The following KDSR variants were observed in gnomAD, a reference collection of about 807,000 sequenced individuals.
KDSR encodes the protein 3-ketodihydrosphingosine reductase.
In KDSR, 23 loss-of-function variants were observed where a neutral mutation model predicts 41.3. The observed-to-expected ratio is 0.56, with a 90% CI of 0.40 to 0.79. The LOEUF (loss-of-function observed/expected upper bound fraction) is 0.79. Among genes scored for constraint, KDSR ranks in the 30% least tolerant of loss-of-function variants. The pLI, the probability that KDSR is intolerant of heterozygous loss-of-function variation, is 0.00. For synonymous variants in KDSR, 138 were observed against 151.7 expected (o/e 0.91, Z 0.66); for missense variants, 351 against 416.8 (o/e 0.84, Z 1.37).
intron 3 of KDSR, 95 bp from the exon 4 acceptor site, chr18:63,355,658 A>G: frequency 7.1e-7 from 1 of 1,406,366 alleles, no homozygotes; most frequent in Non-Finnish European, 9.2e-7. Context: ...TTGAATACAG[A>G]AGGAAGCCAA....
chr18:63,338,921 T>C lies in KDSR; in HGVS notation c.694-38A>G, dbSNP rs370514380. The stretch of plus-strand genomic sequence containing the variant: ...AAACATGTACATAACAATATCATGA[T>C]TGCCCATTACATTAAAAATAAATTA... On this transcript the variant is annotated intron_variant, in intron 7 of 9. Transcript: ENST00000645214. The C allele has an allele frequency of 8.1e-5, 94 of 1,167,474 alleles. No homozygotes were observed. In the African/African-American group the frequency reaches 9.5e-4, roughly 12 times the overall value. 72.3% of individuals were successfully genotyped at this position (1,167,474 alleles called of 1,614,324 possible).
At chr18:63,364,740 G>A (rs1047322272) in intron 1 of KDSR, among the ~76,000 whole-genome samples, 1 of 152,102 alleles carries the variant, frequency 6.6e-6, no homozygotes, top group African/African-American at 2.4e-5. Flanking sequence ...CACTGTACCC[G>A]GCCATATCGT....
chr18:63,344,860 C>G (rs1380032311), intron 6 of KDSR: 1 of 172,768 alleles, frequency 5.8e-6, no homozygotes, highest in Non-Finnish European at 1.2e-5. Context: ...AGCCCTTTAT[C>G]AAGGCAATGG....
chr18:63,333,403 G>C (rs1914069831), intron 9 of KDSR, among the ~76,000 whole-genome samples: 4 of 152,316 alleles, frequency 2.6e-5, no homozygotes, highest in Admixed American at 2.6e-4. Context: ...AATTTTTAAA[G>C]CTTTATCCTG....
chr18:63,358,457 TA>T (rs1246396650), intron 3 of KDSR, among the ~76,000 whole-genome samples: 2 of 151,962 alleles, frequency 1.3e-5, no homozygotes, highest in Non-Finnish European at 2.9e-5. Flanking sequence ...AACTGTATGG[TA>T]TATAAATTAT....
chr18:63,337,559 GAAGAA>G (rs1214278197), intron 8 of KDSR, among the ~76,000 whole-genome samples: 3 of 152,006 alleles, frequency 2.0e-5, no homozygotes, highest in Non-Finnish European at 2.9e-5. Flanking sequence ...GTGGTCAAGA[GAAGAA>G]AAGTTTGAAA....
chr18:63,340,974 GA>G (rs1914326410), intron 7 of KDSR, among the ~76,000 whole-genome samples: 1 of 152,170 alleles, frequency 6.6e-6, no homozygotes, highest in South Asian at 2.1e-4. Context: ...CCTCAGTAGG[GA>G]AACTGATCAA....
chr18:63,345,266 A>G (rs2144359646), intron 6 of KDSR: 1 of 152,442 alleles, frequency 6.6e-6, no homozygotes, highest in East Asian at 1.9e-4. Context: ...CACTTGGAGC[A>G]GGTTGTTACA....
chr18:63,336,829 G>A (rs1914173414), intron 8 of KDSR, among the ~76,000 whole-genome samples: 1 of 152,004 alleles, frequency 6.6e-6, no homozygotes. Flanking sequence ...GAAAAGCCTA[G>A]TAAAATAGTC....
chr18:63,358,991 C>T lies in KDSR; in HGVS notation c.255+745G>A, dbSNP rs567104287. ...CCCAGGAGTTGAAGACCAGCCTGGG[C>T]AACATGGCGAAACCCCATCTCTACC... is the stretch of plus-strand genomic sequence containing the variant. On this transcript the variant is annotated intron_variant, in intron 3 of 9. Coordinates refer to ENST00000645214, the MANE Select transcript of KDSR (RefSeq NM_002035.4). 8.0e-4 allele frequency among the ~76,000 whole-genome samples: 121 copies of T among 150,812 alleles called. 1 individual carries two copies. Among genetic ancestry groups the T allele is most frequent in the African/African-American group, 2.8e-3 (117 of 41,220 alleles).
At chr18:63,356,869 AG>A (rs1914810698) in intron 3 of KDSR, among the ~76,000 whole-genome samples, 1 of 152,232 alleles carries the variant, frequency 6.6e-6, no homozygotes, top group Admixed American at 6.5e-5. Context: ...GCTTCAGAGA[AG>A]GGGGTAAAGA....
In KDSR at chr18:63,329,494, G is replaced by C. The variant is rs748312759; in HGVS notation, c.*2288C>G. ...CCAACTTAGATTTCGAAGTTTCTTT[G>C]CTAAGGGACTGTAGCCCTTTAACAT... is the stretch of plus-strand genomic sequence containing the variant. On this transcript the variant is annotated 3_prime_UTR_variant, in exon 10 of 10. Coordinates refer to ENST00000645214, the MANE Select transcript of KDSR (RefSeq NM_002035.4). 9.8e-5 allele frequency: 20 copies of C among 204,840 alleles called. No individual in the cohort carries two copies. Among genetic ancestry groups the C allele is most frequent in the Non-Finnish European group, 1.9e-4 (19 of 100,060 alleles). The allele number at this position is 204,840 out of a possible 1,614,324, so 12.7% of individuals were successfully genotyped here. A position where few individuals can be genotyped will look rare whatever the true frequency, so the allele number is the denominator to read the frequency against.
intron 8 of KDSR, among the ~76,000 whole-genome samples, chr18:63,337,751 GC>G (rs1914221547): frequency 6.6e-6 from 1 of 151,996 alleles, no homozygotes; most frequent in African/African-American, 2.4e-5. Flanking sequence ...ACATGGTGAA[GC>G]CCCATTTCTA....
rs1384506670 is a variant in KDSR, at chr18:63,330,896, G to A, written c.*886C>T. Reference sequence around the variant, plus strand: ...GGAAAAACAAGTAGATGCTAAAATGGGATAGGTGAACTTCAGGTCATCATG... The same window carrying A: ...GGAAAAACAAGTAGATGCTAAAATGAGATAGGTGAACTTCAGGTCATCATG... On this transcript the variant is annotated 3_prime_UTR_variant, in exon 10 of 10. Transcript: ENST00000645214. The A allele has an allele frequency of 3.1e-5, 7 of 228,844 alleles. No homozygotes were observed. Among genetic ancestry groups the A allele is most frequent in the Non-Finnish European group, 6.1e-5 (7 of 115,428 alleles). 14.2% of individuals were successfully genotyped at this position (228,844 alleles called of 1,614,324 possible).
chr18:63,335,159 C>T (rs1398849213), intron 9 of KDSR, 98 bp downstream of exon 9: 8 of 711,828 alleles, frequency 1.1e-5, no homozygotes, highest in African/African-American at 8.9e-5. Context: ...AATAAAGTTA[C>T]TTAGTTTTCC....
At chr18:63,365,619 C>A (rs1020635071) in intron 1 of KDSR, among the ~76,000 whole-genome samples, 1 of 152,224 alleles carries the variant, frequency 6.6e-6, no homozygotes, top group Non-Finnish European at 1.5e-5. Context: ...GGAGTCAAGG[C>A]TCAGTGAAAC....
At chr18:63,353,459 C>T (rs1599333741) in intron 5 of KDSR, among the ~76,000 whole-genome samples, 3 of 152,094 alleles carry the variant, frequency 2.0e-5, no homozygotes, top group Non-Finnish European at 4.4e-5. Context: ...GATTCTACTA[C>T]AGAACCCCAA....
At chr18:63,331,944 A>G in intron 9 of KDSR, 43 bp from the exon 10 acceptor site, 1 of 1,599,386 alleles carries the variant, frequency 6.3e-7, no homozygotes, top group African/African-American at 1.3e-5. Flanking sequence ...CAACGGTACA[A>G]GACTATTTCA....
intron 6 of KDSR, among the ~76,000 whole-genome samples, chr18:63,347,507 A>AG (rs1914544601): frequency 6.6e-6 from 1 of 151,498 alleles, no homozygotes; most frequent in African/African-American, 2.4e-5. Context: ...AAAAAAAAAA[A>AG]AAAAAAAAAA....
Sources: allele counts gnomAD v4.1 joint callset (sites outside exome capture counted in the v4.1 genomes callset), GRCh38; gene constraint gnomAD v4.1.1; transcripts MANE v1.5; gene names NCBI Gene and HGNC (gene_info 2026-07-23, HGNC 2026-07-21).